The following UTS2B variants were observed in gnomAD, a reference collection of about 807,000 sequenced individuals.
UTS2B encodes urotensin 2B.
A neutral mutation model predicts 19.2 loss-of-function variants in UTS2B; 21 were observed. The ratio of observed to expected loss-of-function variants is 1.09; its 90% CI spans 0.78 to 1.58. The LOEUF (loss-of-function observed/expected upper bound fraction) is 1.58. UTS2B is among the 40% of genes most tolerant of loss of function. UTS2B has a pLI of 0.00. For missense variants in UTS2B, 138 were observed against 130.3 expected, an observed-to-expected ratio of 1.06 and a Z score of -0.29; for synonymous variants, 57 against 50.2, an observed-to-expected ratio of 1.14 and a Z score of -0.58.
intron 4 of UTS2B, among the ~76,000 whole-genome samples, chr3:191,299,251 C>G (rs1431031153): frequency 2.0e-5 from 3 of 152,206 alleles, no homozygotes; most frequent in African/African-American, 7.2e-5. Flanking sequence ...ATGCTAATAG[C>G]CAAGACAGTA....
At chr3:191,344,831 G>A in the UTS2B span, among the ~76,000 whole-genome samples, 246 of 152,228 alleles carry the variant, frequency 1.6e-3, no homozygotes, top group African/African-American at 5.7e-3. Flanking sequence ...TGCCCACCTC[G>A]GCATCCCAAA....
At chr3:191,288,936 A>G (rs183116029) in intron 4 of UTS2B, among the ~76,000 whole-genome samples, 6 of 152,274 alleles carry the variant, frequency 3.9e-5, no homozygotes, top group South Asian at 2.1e-4. Flanking sequence ...AAACGAGATT[A>G]CATCAAACTA....
chr3:191,324,643 A>G (rs1277562706), intron 2 of UTS2B, among the ~76,000 whole-genome samples: 1 of 152,210 alleles, frequency 6.6e-6, no homozygotes, highest in Non-Finnish European at 1.5e-5. Context: ...AGGCCTCCCC[A>G]GCCATGTGGC....
chr3:191,314,136 G>A (rs969611137), intron 3 of UTS2B, among the ~76,000 whole-genome samples: 1 of 152,090 alleles, frequency 6.6e-6, no homozygotes, highest in Non-Finnish European at 1.5e-5. Context: ...CCTTCTGCAC[G>A]AGTTTCAAGA....
At position 191,278,153 on chromosome 3, in the gene UTS2B, C is replaced by A; in HGVS notation, c.121G>T (p.Asp41Tyr). ...TCCTCACGATTTGTATATTTTTTAT[C>A]TGGAAATATTTCATTTCCTATAATG... is the stretch of plus-strand genomic sequence containing the variant. ...YLTQGNEIFP[D>Y]KKYTNREELL... The change falls in exon 6 of 9, where the codon GAT becomes TAT. Residue 41 changes from aspartate (D) to tyrosine (Y), a missense_variant. Transcript: ENST00000340524. The A allele has an allele frequency of 1.3e-6, 2 of 1,539,500 alleles. No individual in the cohort carries two copies. Among genetic ancestry groups the A allele is most frequent in the Non-Finnish European group, 1.8e-6 (2 of 1,142,590 alleles).
At chr3:191,281,221 C>T (rs1010024803) in intron 5 of UTS2B, among the ~76,000 whole-genome samples, 1 of 152,112 alleles carries the variant, frequency 6.6e-6, no homozygotes, top group South Asian at 2.1e-4. Context: ...GGTTATCTCC[C>T]TCTTCCTGAC....
intron 3 of UTS2B, among the ~76,000 whole-genome samples, chr3:191,313,644 G>A (rs1049633447): frequency 9.9e-5 from 15 of 151,520 alleles, no homozygotes; most frequent in Non-Finnish European, 2.1e-4. Context: ...GCACATAGAC[G>A]CAGCTTAGTT....
intron 4 of UTS2B, among the ~76,000 whole-genome samples, chr3:191,297,018 G>A (rs1716874525): frequency 3.3e-5 from 5 of 152,164 alleles, no homozygotes; most frequent in Admixed American, 3.3e-4. Flanking sequence ...TATTGCGCTT[G>A]GGAAACAATG....
At chr3:191,323,973 T>A (rs1461087267) in intron 2 of UTS2B, among the ~76,000 whole-genome samples, 2 of 152,150 alleles carry the variant, frequency 1.3e-5, no homozygotes, top group African/African-American at 4.8e-5. Flanking sequence ...ATGGCTTGAA[T>A]GTTGTGCCTT....
intron 3 of UTS2B, among the ~76,000 whole-genome samples, chr3:191,307,586 A>G (rs1376144731): frequency 2.0e-5 from 3 of 152,110 alleles, no homozygotes; most frequent in African/African-American, 7.2e-5. Context: ...GATGGGTAGG[A>G]CGTTCAGAGG....
intron 8 of UTS2B, among the ~76,000 whole-genome samples, chr3:191,271,834 A>G (rs190766622): frequency 6.6e-6 from 1 of 152,348 alleles, no homozygotes; most frequent in African/African-American, 2.4e-5. Context: ...CTAACTTCAG[A>G]TTCATACATC....
intron 2 of UTS2B, among the ~76,000 whole-genome samples, chr3:191,319,792 T>C (rs928013728): frequency 1.4e-5 from 2 of 146,902 alleles, no homozygotes; most frequent in Non-Finnish European, 3.0e-5. Flanking sequence ...TGCTTGAACC[T>C]GGGAGGCGGA....
At chr3:191,285,366 A>G (rs1368358412) in intron 4 of UTS2B, among the ~76,000 whole-genome samples, 1 of 152,232 alleles carries the variant, frequency 6.6e-6, no homozygotes, top group Non-Finnish European at 1.5e-5. Flanking sequence ...ATATGGAATC[A>G]AAGCATACCA....
rs533139756 is a variant in UTS2B at position 191,322,181 on chromosome 3, T to C, written c.-585-5742A>G. Among the ~76,000 whole-genome samples, 288 of 152,280 alleles carry C rather than the reference T, an allele frequency of 1.9e-3. 2 individuals carry two copies. Among genetic ancestry groups the C allele is most frequent in the South Asian group, 3.5e-3 (17 of 4,816 alleles). On this transcript the variant is annotated intron_variant, in intron 2 of 8. Coordinates refer to ENST00000340524, the MANE Select transcript of UTS2B (RefSeq NM_198152.5). ...TGTAACCTGGTAGAAACATTTTAGG[T>C]AGAGTTGCTAGCCCATAACTATTTC...
chr3:191,330,075 A>G (rs1427451909), intron 1 of UTS2B, among the ~76,000 whole-genome samples: 2 of 152,110 alleles, frequency 1.3e-5, no homozygotes, highest in Admixed American at 6.5e-5. Context: ...ATCGAGGCCC[A>G]GCCTGGCTGG....
chr3:191,309,940 TTTTC>T (rs1560144152), intron 3 of UTS2B, among the ~76,000 whole-genome samples: 2 of 152,048 alleles, frequency 1.3e-5, no homozygotes, highest in Non-Finnish European at 2.9e-5. Context: ...AGAATTTTTT[TTTTC>T]TTTCTTTTTT....
chr3:191,274,410 C>T (rs1426857918), intron 8 of UTS2B, among the ~76,000 whole-genome samples: 1 of 152,116 alleles, frequency 6.6e-6, no homozygotes, highest in Non-Finnish European at 1.5e-5. Context: ...CCAACAATCC[C>T]ATGAAGATTA....
intron 2 of UTS2B, among the ~76,000 whole-genome samples, chr3:191,324,866 T>C (rs1244319851): frequency 6.6e-6 from 1 of 151,964 alleles, no homozygotes; most frequent in East Asian, 1.9e-4. Context: ...CTGGCCAACA[T>C]GGTGAAACCT....
intron 2 of UTS2B, among the ~76,000 whole-genome samples, chr3:191,316,883 A>T (rs576549597): frequency 6.6e-6 from 1 of 152,224 alleles, no homozygotes; most frequent in African/African-American, 2.4e-5. Flanking sequence ...TGGCGCATAT[A>T]CAATCCTCCA....
Sources: allele counts gnomAD v4.1 joint callset (sites outside exome capture counted in the v4.1 genomes callset), GRCh38; gene constraint gnomAD v4.1.1; transcripts MANE v1.5; gene names NCBI Gene and HGNC (gene_info 2026-07-23, HGNC 2026-07-21).